The following FGF14 variants were observed in gnomAD, a reference collection of about 807,000 sequenced individuals.
The protein encoded by FGF14 is fibroblast growth factor 14, also known as fibroblast growth factor homologous factor 4.
FGF14 carries 5 observed loss-of-function variants against 25.5 expected under a neutral mutation model. The observed-to-expected ratio is 0.20, with a 90% CI of 0.10 to 0.41. The LOEUF (loss-of-function observed/expected upper bound fraction) is 0.41, where lower values mean the gene tolerates loss of function less well. Among genes scored for constraint, FGF14 ranks in the 10% least tolerant of loss-of-function variants. FGF14 has a pLI of 1.00. For missense variants in FGF14, 222 were observed against 320.1 expected (o/e 0.69, Z 2.34); for synonymous variants, 138 against 118.3 (o/e 1.17, Z -1.08).
intron 3 of FGF14, among the ~76,000 whole-genome samples, chr13:101,811,901 G>T (rs1462971617): frequency 1.3e-5 from 2 of 152,152 alleles, no homozygotes; most frequent in Non-Finnish European, 2.9e-5. Flanking sequence ...TATCTTGTAT[G>T]TATAAAGTTG....
chr13:101,998,723 T>A (rs1397034858), intron 1 of FGF14, among the ~76,000 whole-genome samples: 1 of 152,192 alleles, frequency 6.6e-6, no homozygotes, highest in Non-Finnish European at 1.5e-5. Flanking sequence ...ATGCATATGA[T>A]CATGATGTAA....
chr13:102,401,406 T>C (rs2058701229), intron 1 of FGF14: 1 of 1,484,996 alleles, frequency 6.7e-7, no homozygotes, highest in African/African-American at 1.4e-5. Flanking sequence ...ACTGCAGATC[T>C]AGCTCGATGA....
At chr13:101,781,120 C>T (rs2039464227) in intron 3 of FGF14, among the ~76,000 whole-genome samples, 1 of 134,152 alleles carries the variant, frequency 7.5e-6, no homozygotes, top group Non-Finnish European at 1.6e-5. Flanking sequence ...GCTCCCCCTG[C>T]TCTCTCTTTG....
At chr13:101,994,679 G>A (rs1025458368) in intron 1 of FGF14, among the ~76,000 whole-genome samples, 4 of 151,908 alleles carry the variant, frequency 2.6e-5, no homozygotes, top group African/African-American at 9.7e-5. Flanking sequence ...AGATTTATAG[G>A]AACTTCAGGA....
At chr13:101,954,709 T>G (rs1213794378) in intron 1 of FGF14, among the ~76,000 whole-genome samples, 2 of 151,964 alleles carry the variant, frequency 1.3e-5, no homozygotes, top group Non-Finnish European at 2.9e-5. Context: ...AGTGTGTGTG[T>G]GTGTGTGTGT....
intron 3 of FGF14, among the ~76,000 whole-genome samples, chr13:101,816,887 T>C (rs944515622): frequency 6.6e-6 from 1 of 152,210 alleles, no homozygotes. Context: ...ATTTTCTCTA[T>C]TGTAATGTTA....
At chr13:101,750,772 G>A (rs945603023) in intron 3 of FGF14, among the ~76,000 whole-genome samples, 1 of 152,042 alleles carries the variant, frequency 6.6e-6, no homozygotes, top group Non-Finnish European at 1.5e-5. Context: ...ATTCCTAATT[G>A]CCAAAACTTG....
intron 3 of FGF14, among the ~76,000 whole-genome samples, chr13:101,857,713 T>G (rs948298483): frequency 3.0e-4 from 45 of 152,184 alleles, no homozygotes; most frequent in Admixed American, 3.9e-4. Flanking sequence ...CGTCTATCTT[T>G]GTCATCACTA....
At chr13:101,908,665 C>A (rs1354449027) in intron 1 of FGF14, among the ~76,000 whole-genome samples, 2 of 152,110 alleles carry the variant, frequency 1.3e-5, no homozygotes, top group African/African-American at 2.4e-5. Context: ...GCCATACTGC[C>A]CAAGGTCATT....
At chr13:102,129,726 T>A (rs942083243) in intron 1 of FGF14, among the ~76,000 whole-genome samples, 2 of 152,030 alleles carry the variant, frequency 1.3e-5, no homozygotes, top group African/African-American at 4.8e-5. Flanking sequence ...TTAGGAGATA[T>A]ACCTAATGTA....
chr13:102,134,126 A>G (rs564478345), intron 1 of FGF14, among the ~76,000 whole-genome samples: 1 of 152,338 alleles, frequency 6.6e-6, no homozygotes, highest in African/African-American at 2.4e-5. Flanking sequence ...AATAAGTTAT[A>G]GTCCCTGCCT....
rs1251618259 is a variant in FGF14 at position 101,721,979 on chromosome 13, G to A, written c.*852C>T. The A allele has an allele frequency of 1.3e-5, 2 of 151,718 alleles. No individual in the cohort carries two copies. The highest frequency in any genetic ancestry group is 4.8e-5 in the African/African-American group (2 of 41,272). The allele number at this position is 151,718 out of a possible 1,614,324, so 9.4% of individuals were successfully genotyped here. A position where few individuals can be genotyped will look rare whatever the true frequency, so the allele number is the denominator to read the frequency against. On this transcript the variant is annotated 3_prime_UTR_variant, in exon 5 of 5. Coordinates refer to ENST00000376143, the MANE Select transcript of FGF14 (RefSeq NM_004115.4). ...AAAAACCAGTGGGTCTTGCTCGCTG[G>A]GCAAGGCAAATGTTACCATTACCAG...
At chr13:102,187,652 G>A (rs55944537) in intron 1 of FGF14, among the ~76,000 whole-genome samples, 9,244 of 151,992 alleles carry the variant, frequency 0.061, 619 homozygotes, top group Admixed American at 0.19. Context: ...TAAGTACCAC[G>A]CACATTTGAG....
intron 3 of FGF14, among the ~76,000 whole-genome samples, chr13:101,844,389 T>G (rs1370783472): frequency 6.6e-6 from 1 of 152,012 alleles, no homozygotes; most frequent in East Asian, 1.9e-4. Flanking sequence ...AGCATCACCT[T>G]CCATAGAAAT....
intron 1 of FGF14, among the ~76,000 whole-genome samples, chr13:102,018,656 C>T (rs1197441653): frequency 2.6e-5 from 4 of 151,816 alleles, no homozygotes; most frequent in Admixed American, 6.6e-5. Flanking sequence ...GCCCTGAGGC[C>T]TCCTCTTCCA....
At chr13:102,195,187 G>A (rs1400000845) in intron 1 of FGF14, among the ~76,000 whole-genome samples, 1 of 152,136 alleles carries the variant, frequency 6.6e-6, no homozygotes, top group Non-Finnish European at 1.5e-5. Flanking sequence ...AACAGCACCA[G>A]TAGACGTAAC....
At chr13:102,127,250 C>T (rs1490549014) in intron 1 of FGF14, among the ~76,000 whole-genome samples, 1 of 152,014 alleles carries the variant, frequency 6.6e-6, no homozygotes, top group Admixed American at 6.5e-5. Flanking sequence ...TATAATAAAC[C>T]TGAAGTATTT....
At chr13:101,908,996 T>C (rs2139054356) in intron 1 of FGF14, among the ~76,000 whole-genome samples, 1 of 152,302 alleles carries the variant, frequency 6.6e-6, no homozygotes, top group Admixed American at 6.5e-5. Context: ...GGGGAAAGGA[T>C]TCCCTGTTTA....
rs144058555 is a variant in FGF14, at chr13:102,360,304, C to T, written c.208+41167G>A. ...AGATGATCTTGTTGGGAACAGTCTA[C>T]ATATTTGAAAATTAGCCTACAAAAT... On this transcript the variant is annotated intron_variant, in intron 1 of 4. Coordinates refer to the FGF14 transcript ENST00000376131. Among the ~76,000 whole-genome samples the T allele has an allele frequency of 3.0e-3, 453 of 152,262 alleles. 1 individual carries two copies. The highest frequency in any genetic ancestry group is 9.0e-3 in the African/African-American group (374 of 41,560).
Sources: gnomAD v4.1 joint callset for allele counts (sites outside exome capture counted in the v4.1 genomes callset) on GRCh38, gnomAD v4.1.1 for gene constraint, MANE v1.5 for transcripts, NCBI Gene and HGNC (gene_info 2026-07-23, HGNC 2026-07-21) for gene names.